JAML: variants seen among roughly 807,000 people sequenced by gnomAD.
JAML encodes junction adhesion molecule like.
JAML carries 25 observed loss-of-function variants against 39.3 expected under a neutral mutation model. That is an observed-to-expected ratio of 0.64 (90% CI 0.46 to 0.89). The LOEUF is 0.89. Among genes scored for constraint, JAML ranks in the 40% least tolerant of loss-of-function variants. JAML has a pLI of 0.00. For synonymous variants in JAML, 162 were observed against 179.2 expected, an observed-to-expected ratio of 0.90 and a Z score of 0.77; for missense variants, 440 against 486.9, an observed-to-expected ratio of 0.90 and a Z score of 0.91.
At chr11:118,212,733 A>G in intron 2 of JAML, 172 bp from the exon 3 acceptor site, 1 of 1,524,982 alleles carries the variant, frequency 6.6e-7, no homozygotes. Flanking sequence ...CTAGTTACCT[A>G]TATGGCTCAT....
chr11:118,203,356 G>A, intron 6 of JAML, 72 bp downstream of exon 6: 1 of 1,389,906 alleles, frequency 7.2e-7, no homozygotes, highest in South Asian at 1.2e-5. Flanking sequence ...AACCTCTCCG[G>A]CCTCACTCTA....
At chr11:118,197,736 G>A in intron 8 of JAML, 2 of 402,100 alleles carry the variant, frequency 5.0e-6, no homozygotes, top group Non-Finnish European at 9.0e-6. Context: ...CAGGGAGGTG[G>A]CAGATCTTAC....
chr11:118,199,698 T>A (rs866645895), intron 7 of JAML, among the ~76,000 whole-genome samples: 34,934 of 121,090 alleles, frequency 0.29, 4,497 homozygotes, highest in East Asian at 0.39. Flanking sequence ...TTATTATTTT[T>A]TTTTTTTTTT....
Position 118,213,252 on chromosome 11 carries a change from C to T in JAML, c.44-691G>A, listed in dbSNP as rs1949096180. ...CGGTCACTACAAGAAAAAACCATTA[C>T]ATGGATATTTCTGTTTTCACAAGAT... On this transcript the variant is annotated intron_variant, in intron 2 of 9. Transcript: ENST00000356289. 9 of 1,205,778 alleles carry T rather than the reference C, an allele frequency of 7.5e-6. No individual in the cohort carries two copies. In the South Asian group the frequency reaches 2.0e-4, roughly 27 times the overall value. 74.7% of individuals were successfully genotyped at this position (1,205,778 alleles called of 1,614,324 possible). A position where few individuals can be genotyped will look rare whatever the true frequency, so the allele number is the denominator to read the frequency against.
intron 4 of JAML, among the ~76,000 whole-genome samples, chr11:118,209,711 T>A (rs1949004481): frequency 6.6e-6 from 1 of 151,988 alleles, no homozygotes; most frequent in African/African-American, 2.4e-5. Context: ...TTTTTTTTAT[T>A]TTTTATTTTT....
At chr11:118,206,190 C>A (rs1198703594) in intron 4 of JAML, among the ~76,000 whole-genome samples, 199 bp from the exon 5 acceptor site, 4 of 152,184 alleles carry the variant, frequency 2.6e-5, no homozygotes, top group African/African-American at 7.2e-5. Flanking sequence ...GTACTCAGAG[C>A]CTCCTCCCTC....
chr11:118,198,229 G>C, intron 7 of JAML, 138 bp from the exon 8 acceptor site: 1 of 685,270 alleles, frequency 1.5e-6, no homozygotes. Context: ...CTACAGCCAG[G>C]GCTACCCGGC....
chr11:118,201,207 CT>C (rs1948789225), intron 6 of JAML: 1 of 152,594 alleles, frequency 6.6e-6, no homozygotes, highest in African/African-American at 2.4e-5. Context: ...CCACAGGCTG[CT>C]GTAGGCGCTA....
In JAML at chr11:118,214,894, T is replaced by C; in HGVS notation, c.-20-8A>G. ...TGCTCTCAACTTTCAAATCTTAAGA[T>C]AAAAGAACAAAAATCACAAAATCAT... On this transcript the variant is annotated splice_region_variant and splice_polypyrimidine_tract_variant and intron_variant, in intron 1 of 9. Transcript: ENST00000356289. The C allele has an allele frequency of 6.2e-7, 1 of 1,612,228 alleles. No individual in the cohort carries two copies. Among genetic ancestry groups the C allele is most frequent in the Non-Finnish European group, 8.5e-7 (1 of 1,178,692 alleles).
intron 5 of JAML, 68 bp from the exon 6 acceptor site, chr11:118,203,733 G>A: frequency 7.4e-7 from 1 of 1,352,724 alleles, no homozygotes. Flanking sequence ...GAGAAAATGG[G>A]GGAGGGAAGA....
intron 1 of JAML, among the ~76,000 whole-genome samples, chr11:118,220,013 T>C (rs1949193804): frequency 6.6e-6 from 1 of 152,236 alleles, no homozygotes; most frequent in Non-Finnish European, 1.5e-5. Flanking sequence ...CTGAAGAGTT[T>C]TGTCTGCCTT....
At chr11:118,216,340 G>T (rs560458749) in intron 1 of JAML, among the ~76,000 whole-genome samples, 1 of 150,420 alleles carries the variant, frequency 6.6e-6, no homozygotes, top group African/African-American at 2.5e-5. Flanking sequence ...CTGCACTCCA[G>T]CCTGGGCGAC....
chr11:118,220,090 G>T (rs978852352), intron 1 of JAML, among the ~76,000 whole-genome samples: 1 of 152,144 alleles, frequency 6.6e-6, no homozygotes, highest in Admixed American at 6.5e-5. Flanking sequence ...GTCACAATTG[G>T]CACACATGGT....
intron 4 of JAML, chr11:118,209,130 G>T: frequency 6.1e-6 from 2 of 328,032 alleles, no homozygotes; most frequent in South Asian, 3.6e-5. Context: ...CAATACTTTT[G>T]AGATTTTTCT....
intron 1 of JAML, among the ~76,000 whole-genome samples, chr11:118,220,176 T>G (rs1328565207): frequency 6.6e-6 from 1 of 152,182 alleles, no homozygotes; most frequent in East Asian, 1.9e-4. Context: ...GCTCTGGATG[T>G]TCCCAAACTA....
chr11:118,197,935 G>A, intron 8 of JAML, 63 bp downstream of exon 8: 4 of 1,447,024 alleles, frequency 2.8e-6, no homozygotes, highest in Non-Finnish European at 1.9e-6. Flanking sequence ...TATGGTTCCC[G>A]GGGGTATGAG....
chr11:118,206,739 C>T (rs978559643), intron 4 of JAML, among the ~76,000 whole-genome samples: 2 of 152,138 alleles, frequency 1.3e-5, no homozygotes, highest in African/African-American at 4.8e-5. Flanking sequence ...CTAGGCTCTT[C>T]CTTCTGACTA....
rs368404017 is a variant in JAML, at chr11:118,212,727, T to G, written c.44-166A>C. The G allele has an allele frequency of 5.3e-6, 8 of 1,515,786 alleles. No individual in the cohort carries two copies. In the African/African-American group the frequency reaches 7.0e-5, roughly 13 times the overall value. 93.9% of individuals were successfully genotyped at this position (1,515,786 alleles called of 1,614,324 possible). A position where few individuals can be genotyped will look rare whatever the true frequency, so the allele number is the denominator to read the frequency against. ...GCAGCATGGCATCCCTGTCCTCTAG[T>G]TACCTATATGGCTCATCAGAAGGAT... On this transcript the variant is annotated intron_variant, in intron 2 of 9. Transcript: ENST00000356289.
At chr11:118,200,185 CT>C (rs1321000852) in intron 7 of JAML, among the ~76,000 whole-genome samples, 3 of 152,122 alleles carry the variant, frequency 2.0e-5, no homozygotes, top group African/African-American at 4.8e-5. Flanking sequence ...CATGATAGTT[CT>C]TGTGTAAGAT....
Sources: allele counts gnomAD v4.1 joint callset (sites outside exome capture counted in the v4.1 genomes callset), GRCh38; gene constraint gnomAD v4.1.1; transcripts MANE v1.5; gene names NCBI Gene and HGNC (gene_info 2026-07-23, HGNC 2026-07-21).